PMEPA1: variants seen among roughly 807,000 people sequenced by gnomAD.
PMEPA1 encodes the protein protein TMEPAI.
In PMEPA1, 11 loss-of-function variants were observed where a neutral mutation model predicts 23.0. The ratio of observed to expected loss-of-function variants is 0.48; its 90% CI spans 0.30 to 0.79. The LOEUF is 0.79. Ranked by LOEUF, PMEPA1 falls within the 30% of genes least tolerant of loss-of-function variation. The pLI is 0.06. For missense variants in PMEPA1, 377 were observed against 390.9 expected (o/e 0.96, Z 0.30); for synonymous variants, 204 against 166.4 (o/e 1.23, Z -1.74).
At chr20:57,676,326 T>G (rs1376068517) in intron 1 of PMEPA1, among the ~76,000 whole-genome samples, 10 of 152,140 alleles carry the variant, frequency 6.6e-5, no homozygotes, top group Admixed American at 6.5e-4. Flanking sequence ...AACAGGGACA[T>G]AGGTACTAGC....
intron 2 of PMEPA1, among the ~76,000 whole-genome samples, chr20:57,654,415 G>T (rs990043566): frequency 1.3e-5 from 2 of 152,066 alleles, no homozygotes; most frequent in Non-Finnish European, 2.9e-5. Context: ...CCTGCAGCCT[G>T]GGTAGGAACG....
At chr20:57,707,967 T>C (rs918588579) in intron 1 of PMEPA1, among the ~76,000 whole-genome samples, 4 of 152,382 alleles carry the variant, frequency 2.6e-5, no homozygotes, top group Admixed American at 1.3e-4. Context: ...CAGGTCCTCC[T>C]GGCACCTCGC....
At position 57,652,110 on chromosome 20, in the gene PMEPA1, T is replaced by A. The variant is rs747610778; in HGVS notation, c.807A>T (p.Leu269=). The change falls in exon 4 of 4, where the codon CTA becomes CTT. Residue 269 remains leucine, a synonymous_variant. Transcript: ENST00000341744. The surrounding 1 kb of genome is among the most constrained non-coding windows in gnomAD (Gnocchi z 6.1). The stretch of plus-strand genomic sequence containing the variant: ...CTTTGCTCCAGATGGCTGCGCTCTC[T>A]AGGGGCGCGATGTGTGTGTGGTGGA... ...TRLHHTHIAP[L]ESAAIWSKEK... 6.3e-7 allele frequency: 1 copy of A among 1,579,386 alleles called. No individual in the cohort carries two copies.
chr20:57,699,053 C>G (rs1379260263), intron 1 of PMEPA1, among the ~76,000 whole-genome samples: 1 of 152,120 alleles, frequency 6.6e-6, no homozygotes, highest in African/African-American at 2.4e-5. Context: ...TTGCTGTGGC[C>G]CCATGCAAAT....
chr20:57,700,035 C>T, intron 1 of PMEPA1: 1 of 471,264 alleles, frequency 2.1e-6, no homozygotes, highest in Non-Finnish European at 4.4e-6. Context: ...TTCTTAACCA[C>T]TGACACTCAG....
chr20:57,709,133 T>C (rs2072128103), intron 1 of PMEPA1, among the ~76,000 whole-genome samples: 1 of 151,722 alleles, frequency 6.6e-6, no homozygotes, highest in Non-Finnish European at 1.5e-5. Flanking sequence ...AAATGCTCCA[T>C]CGCGACTGCC....
chr20:57,687,506 C>T (rs1282495703), intron 1 of PMEPA1, among the ~76,000 whole-genome samples: 5 of 152,232 alleles, frequency 3.3e-5, no homozygotes, highest in Admixed American at 2.6e-4. Flanking sequence ...CATTACTAAT[C>T]AATTGCCACA....
chr20:57,654,702 C>CT (rs1397011941), intron 2 of PMEPA1, among the ~76,000 whole-genome samples: 6 of 152,168 alleles, frequency 3.9e-5, no homozygotes, highest in African/African-American at 1.4e-4. Context: ...GCATCTGTGC[C>CT]TAGTGGACAG....
chr20:57,663,675 G>T (rs569958188), intron 1 of PMEPA1, among the ~76,000 whole-genome samples: 1 of 152,230 alleles, frequency 6.6e-6, no homozygotes, highest in Non-Finnish European at 1.5e-5. Context: ...AGGGCACGGA[G>T]TGCGGGGCAG....
chr20:57,699,854 T>G (rs899378354), intron 1 of PMEPA1, among the ~76,000 whole-genome samples: 12 of 152,222 alleles, frequency 7.9e-5, no homozygotes. Context: ...GGAGGTGGGA[T>G]GTCCGTGGTG....
At chr20:57,693,545 G>T (rs1269336802) in intron 1 of PMEPA1, among the ~76,000 whole-genome samples, 2 of 152,238 alleles carry the variant, frequency 1.3e-5, no homozygotes, top group African/African-American at 4.8e-5. Context: ...GTAACTGCAA[G>T]GCCTGGGGCT....
intron 1 of PMEPA1, among the ~76,000 whole-genome samples, chr20:57,680,991 A>G (rs1204541506): frequency 2.0e-5 from 3 of 152,192 alleles, no homozygotes; most frequent in Non-Finnish European, 4.4e-5. Flanking sequence ...GGGCCGGGTC[A>G]GTGAGGAAGG....
chr20:57,699,580 G>A (rs374053406), intron 1 of PMEPA1, among the ~76,000 whole-genome samples: 1 of 152,240 alleles, frequency 6.6e-6, no homozygotes, highest in African/African-American at 2.4e-5. Context: ...CAAGCAAGGC[G>A]TGTGGGGTGC....
At chr20:57,678,477 G>A (rs2071668995) in intron 1 of PMEPA1, among the ~76,000 whole-genome samples, 1 of 152,228 alleles carries the variant, frequency 6.6e-6, no homozygotes, top group Non-Finnish European at 1.5e-5. Context: ...TTAGGGCCTG[G>A]CCCAGGCCTG....
At chr20:57,654,273 G>A (rs2071294514) in intron 2 of PMEPA1, among the ~76,000 whole-genome samples, 1 of 151,158 alleles carries the variant, frequency 6.6e-6, no homozygotes. Context: ...CATATTCAAA[G>A]CATACAATTT....
intron 1 of PMEPA1, among the ~76,000 whole-genome samples, chr20:57,666,023 G>A (rs1024603053): frequency 1.3e-5 from 2 of 152,042 alleles, no homozygotes; most frequent in Non-Finnish European, 2.9e-5. Context: ...GAGGGCCCGG[G>A]GGCTCCTGCC....
At chr20:57,702,390 C>T (rs1320938678) in intron 1 of PMEPA1, among the ~76,000 whole-genome samples, 1 of 152,238 alleles carries the variant, frequency 6.6e-6, no homozygotes, top group Non-Finnish European at 1.5e-5. Context: ...ACCAGCTCCT[C>T]ATGCAGCCTG....
At chr20:57,685,319 G>A (rs1264065664) in intron 1 of PMEPA1, among the ~76,000 whole-genome samples, 1 of 152,178 alleles carries the variant, frequency 6.6e-6, no homozygotes, top group South Asian at 2.1e-4. Context: ...AGTCTGGGCC[G>A]AAAACAGTTT....
Position 57,648,489 on chromosome 20 carries a change from T to C in PMEPA1, c.*3564A>G, listed in dbSNP as rs763411753. The C allele has an allele frequency of 2.0e-5, 3 of 152,670 alleles. No individual in the cohort carries two copies. The highest frequency in any genetic ancestry group is 2.9e-5 in the Non-Finnish European group (2 of 68,046). The allele number at this position is 152,670 out of a possible 1,614,324, so 9.5% of individuals were successfully genotyped here. A position where few individuals can be genotyped will look rare whatever the true frequency, so the allele number is the denominator to read the frequency against. ...GATTACTGATACACAACAAGCAGTT[T>C]CTTCAGGCCTGTGGATTGGCATCCA... On this transcript the variant is annotated 3_prime_UTR_variant, in exon 4 of 4. Coordinates refer to ENST00000341744, the MANE Select transcript of PMEPA1 (RefSeq NM_020182.5).
Sources: allele counts gnomAD v4.1 joint callset (sites outside exome capture counted in the v4.1 genomes callset), GRCh38; gene constraint gnomAD v4.1.1; non-coding constraint Gnocchi (gnomAD v3.1); transcripts MANE v1.5; gene names NCBI Gene and HGNC (gene_info 2026-07-23, HGNC 2026-07-21).